Variants in SMARCAD1 observed in about 807,000 individuals in gnomAD.
SMARCAD1 encodes SWI/SNF-related matrix-associated actin-dependent regulator of chromatin subfamily A containing DEAD/H box 1.
A neutral mutation model predicts 127.1 loss-of-function variants in SMARCAD1; 25 were observed. The observed-to-expected ratio is 0.20, with a 90% CI of 0.14 to 0.27. SMARCAD1 has a LOEUF of 0.27. Ranked by LOEUF, SMARCAD1 falls within the 10% of genes least tolerant of loss-of-function variation. The pLI, the probability that SMARCAD1 is intolerant of heterozygous loss-of-function variation, is 1.00. For missense variants in SMARCAD1, 807 were observed against 1,206.0 expected, an observed-to-expected ratio of 0.67 and a Z score of 4.90; for synonymous variants, 400 against 396.9, an observed-to-expected ratio of 1.01 and a Z score of -0.09.
intron 2 of SMARCAD1, among the ~76,000 whole-genome samples, chr4:94,212,090 C>A (rs4693375): frequency 0.47 from 71,174 of 152,008 alleles, 16,960 homozygotes; most frequent in East Asian, 0.72. Flanking sequence ...ACTGGCTTGT[C>A]GTAGGCCCTC....
chr4:94,215,090 G>T (rs1186296006), intron 2 of SMARCAD1, among the ~76,000 whole-genome samples: 1 of 152,140 alleles, frequency 6.6e-6, no homozygotes, highest in Non-Finnish European at 1.5e-5. Context: ...GATACTGAAT[G>T]TATCATTTTA....
chr4:94,270,202 G>A (rs1334270921), intron 10 of SMARCAD1, among the ~76,000 whole-genome samples: 3 of 151,852 alleles, frequency 2.0e-5, no homozygotes, highest in East Asian at 1.9e-4. Flanking sequence ...ACATTTGTAC[G>A]TAGTATGCAC....
chr4:94,279,531 A>G (rs896198216), intron 19 of SMARCAD1, among the ~76,000 whole-genome samples: 4 of 152,202 alleles, frequency 2.6e-5, no homozygotes, highest in African/African-American at 9.7e-5. Flanking sequence ...TCAGCAAACT[A>G]TGGCCTTACG....
intron 2 of SMARCAD1, among the ~76,000 whole-genome samples, 164 bp downstream of exon 2, chr4:94,208,748 C>G (rs1741680672): frequency 6.6e-6 from 1 of 152,094 alleles, no homozygotes; most frequent in East Asian, 1.9e-4. Flanking sequence ...CACCATGTAC[C>G]CTCAACTGAG....
chr4:94,262,138 G>A (rs537114088), intron 9 of SMARCAD1, among the ~76,000 whole-genome samples: 2 of 152,008 alleles, frequency 1.3e-5, no homozygotes, highest in Non-Finnish European at 2.9e-5. Flanking sequence ...CACCTGTGTG[G>A]CATCTTTTTC....
At chr4:94,278,828 AATT>A (rs1157959272) in intron 18 of SMARCAD1, 95 bp downstream of exon 18, 5 of 1,600,698 alleles carry the variant, frequency 3.1e-6, no homozygotes, top group East Asian at 4.5e-5. Flanking sequence ...CATTTTAAAA[AATT>A]ATCTGGAATT....
chr4:94,265,729 T>C (rs1751647847), intron 10 of SMARCAD1, among the ~76,000 whole-genome samples: 1 of 151,938 alleles, frequency 6.6e-6, no homozygotes, highest in Non-Finnish European at 1.5e-5. Context: ...ATGATATTTA[T>C]AGTGGCAAAA....
intron 10 of SMARCAD1, among the ~76,000 whole-genome samples, chr4:94,268,806 G>A (rs1752113894): frequency 6.6e-6 from 1 of 152,066 alleles, no homozygotes; most frequent in Non-Finnish European, 1.5e-5. Context: ...AAATAATAAT[G>A]TATATTAAGC....
chr4:94,283,599 G>A (rs1038231961), intron 22 of SMARCAD1, among the ~76,000 whole-genome samples: 11 of 152,226 alleles, frequency 7.2e-5, no homozygotes, highest in Non-Finnish European at 1.3e-4. Flanking sequence ...ACTGAGGCGG[G>A]CGGATCATGA....
intron 11 of SMARCAD1, among the ~76,000 whole-genome samples, chr4:94,272,875 C>G (rs908650028): frequency 6.6e-6 from 1 of 152,068 alleles, no homozygotes; most frequent in Non-Finnish European, 1.5e-5. Context: ...GGCGCACTCT[C>G]AGCTCACTGC....
intron 9 of SMARCAD1, among the ~76,000 whole-genome samples, chr4:94,258,762 A>G (rs778997203): frequency 3.3e-5 from 5 of 152,230 alleles, no homozygotes; most frequent in Non-Finnish European, 5.9e-5. Flanking sequence ...GGGTGTAATT[A>G]TAGTGCCTGC....
At chr4:94,267,944 G>A (rs1751980206) in intron 10 of SMARCAD1, among the ~76,000 whole-genome samples, 4 of 152,022 alleles carry the variant, frequency 2.6e-5, no homozygotes, top group Admixed American at 1.3e-4. Flanking sequence ...AAAGAATATA[G>A]GTATCCTATT....
rs1189321599 is a variant in SMARCAD1, at chr4:94,276,370, C to T, written c.1840C>T (p.Arg614Cys). The T allele has an allele frequency of 1.9e-6, 3 of 1,613,902 alleles. No homozygotes were observed. Among genetic ancestry groups the T allele is most frequent in the Admixed American group, 1.7e-5 (1 of 60,002 alleles). Residue 614 changes from arginine (R) to cysteine (C), a missense_variant, in exon 15 of 24, where the codon CGT becomes TGT. Coordinates refer to ENST00000354268, the MANE Select transcript of SMARCAD1 (RefSeq NM_020159.5). The part of the protein sequence containing the change: ...YNCAISSSDD[R>C]SLFRRLKLNY... ...CTGTGCGATCAGCAGTTCTGATGAC[C>T]GTAGTCTGTTTCGACGGCTGAAACT...
chr4:94,211,273 A>G (rs1048291073), intron 2 of SMARCAD1, among the ~76,000 whole-genome samples: 3 of 152,164 alleles, frequency 2.0e-5, no homozygotes, highest in African/African-American at 7.2e-5. Flanking sequence ...ACTCCATGTC[A>G]AAATAAATAA....
chr4:94,210,458 A>G (rs952710990), intron 2 of SMARCAD1, among the ~76,000 whole-genome samples: 9 of 152,240 alleles, frequency 5.9e-5, no homozygotes, highest in Non-Finnish European at 1.0e-4. Flanking sequence ...AGAAAGTTTT[A>G]AAAGTCAGTT....
At chr4:94,249,986 G>A (rs957813772) in intron 7 of SMARCAD1, among the ~76,000 whole-genome samples, 3 of 151,594 alleles carry the variant, frequency 2.0e-5, no homozygotes, top group Non-Finnish European at 2.9e-5. Context: ...AAAAATAACC[G>A]TAATAAAAAT....
chr4:94,270,630 T>C, intron 10 of SMARCAD1, 98 bp from the exon 11 acceptor site: 1 of 968,280 alleles, frequency 1.0e-6, no homozygotes, highest in South Asian at 1.3e-5. Flanking sequence ...AAGGTAAGAT[T>C]AGACCTAGGC....
At chr4:94,208,612 A>C (rs771215246) in intron 2 of SMARCAD1, 28 bp downstream of exon 2, 4 of 1,597,786 alleles carry the variant, frequency 2.5e-6, no homozygotes, top group South Asian at 2.2e-5. Flanking sequence ...AATTGATGTA[A>C]CATCAAGGAC....
chr4:94,248,370 C>A, intron 6 of SMARCAD1: 1 of 399,576 alleles, frequency 2.5e-6, no homozygotes, highest in South Asian at 1.8e-5. Flanking sequence ...GTTTAGTTTT[C>A]ACTTATGTAG....
Sources: gnomAD v4.1 joint callset for allele counts (sites outside exome capture counted in the v4.1 genomes callset) on GRCh38, gnomAD v4.1.1 for gene constraint, MANE v1.5 for transcripts, NCBI Gene and HGNC (gene_info 2026-07-23, HGNC 2026-07-21) for gene names.